The following CD247 variants were observed in gnomAD, a reference collection of about 807,000 sequenced individuals.
CD247 encodes CD247 molecule.
A neutral mutation model predicts 30.0 loss-of-function variants in CD247; 13 were observed. The ratio of observed to expected loss-of-function variants is 0.43; its 90% CI spans 0.28 to 0.69. The LOEUF (loss-of-function observed/expected upper bound fraction) is 0.69. Among genes scored for constraint, CD247 ranks in the 30% least tolerant of loss-of-function variants. The probability of loss-of-function intolerance (pLI) is 0.16; values close to 1 mark genes in which losing one functional copy is unlikely to be tolerated. For missense variants in CD247, 193 were observed against 212.6 expected (o/e 0.91, Z 0.57); for synonymous variants, 72 against 80.0 (o/e 0.90, Z 0.53).
At chr1:167,514,579 G>A (rs974662921) in intron 1 of CD247, among the ~76,000 whole-genome samples, 5 of 151,854 alleles carry the variant, frequency 3.3e-5, no homozygotes, top group African/African-American at 1.2e-4. Context: ...CGATCATTTT[G>A]TTTTGATTAA....
rs1292337136 is a variant in CD247 at position 167,433,038 on chromosome 1, C to T, written c.415G>A (p.Asp139Asn). ...GCAGCTCCTACCTGGTAAAGGCCAT[C>T]GTGCCCCTTGCCCCTCCGGCGCTGG... ...KGERRRGKGH[D>N]GLYQGLSTAT... Residue 139 changes from aspartate to asparagine, a missense_variant, in exon 7 of 8, where the codon GAT becomes AAT. Asp to Asn is a conservative substitution (Grantham distance 23). Coordinates refer to ENST00000362089, the MANE Select transcript of CD247 (RefSeq NM_198053.3). 9 of 1,614,112 alleles carry T rather than the reference C, an allele frequency of 5.6e-6. No individual in the cohort carries two copies. The highest frequency in any genetic ancestry group is 4.4e-5 in the South Asian group (4 of 91,086).
intron 1 of CD247, among the ~76,000 whole-genome samples, chr1:167,447,030 G>C (rs1571523601): frequency 6.6e-6 from 1 of 152,152 alleles, no homozygotes; most frequent in East Asian, 1.9e-4. Flanking sequence ...TGTGTACAAA[G>C]TGCCTGGCAC....
At chr1:167,443,915 A>G (rs924959344) in intron 1 of CD247, among the ~76,000 whole-genome samples, 2 of 152,168 alleles carry the variant, frequency 1.3e-5, no homozygotes, top group Admixed American at 1.3e-4. Context: ...ATGGCCCAGA[A>G]AGCTCCATGC....
At position 167,430,991 on chromosome 1, in the gene CD247, T is replaced by G. The variant is rs879723690; in HGVS notation, c.*690A>C. The G allele has an allele frequency of 6.0e-5, 24 of 402,102 alleles. No individual in the cohort carries two copies. The highest frequency in any genetic ancestry group is 7.9e-5 in the Non-Finnish European group (18 of 228,158). 24.9% of individuals were successfully genotyped at this position (402,102 alleles called of 1,614,324 possible). On this transcript the variant is annotated 3_prime_UTR_variant, in exon 8 of 8. Transcript: ENST00000362089. ...CCACTTTGTGCACAGCTCATCAAGG[T>G]CAGTCTGTTCATCTTCTGGCCCCTG...
chr1:167,438,164 G>T (rs903638620), intron 4 of CD247, among the ~76,000 whole-genome samples: 1 of 152,106 alleles, frequency 6.6e-6, no homozygotes, highest in African/African-American at 2.4e-5. Context: ...AAGCCAAGAG[G>T]TCAAACCCCC....
intron 1 of CD247, among the ~76,000 whole-genome samples, chr1:167,506,538 A>AT (rs1187956951): frequency 4.0e-5 from 6 of 150,576 alleles, no homozygotes; most frequent in Admixed American, 6.6e-5. Flanking sequence ...TCTCTTTTTT[A>AT]TTTTTTTTGT....
At chr1:167,459,346 C>CAA (rs1162119786) in intron 1 of CD247, among the ~76,000 whole-genome samples, 10 of 127,108 alleles carry the variant, frequency 7.9e-5, no homozygotes. Flanking sequence ...TTCCTTACAA[C>CAA]TCTTTTTTTT....
intron 1 of CD247, among the ~76,000 whole-genome samples, chr1:167,508,130 G>C (rs1297028771): frequency 6.6e-6 from 1 of 152,184 alleles, no homozygotes; most frequent in African/African-American, 2.4e-5. Flanking sequence ...GCAAGAGCTT[G>C]TGGCTATAAC....
At chr1:167,454,008 G>C (rs938549571) in intron 1 of CD247, among the ~76,000 whole-genome samples, 2 of 151,984 alleles carry the variant, frequency 1.3e-5, no homozygotes, top group African/African-American at 4.8e-5. Flanking sequence ...ACTTGTGTAT[G>C]AAAAAAACAC....
At chr1:167,485,655 C>T (rs1003661557) in intron 1 of CD247, among the ~76,000 whole-genome samples, 17 of 152,158 alleles carry the variant, frequency 1.1e-4, no homozygotes, top group South Asian at 6.2e-4. Context: ...GAGGGTATCC[C>T]GGCATGGCTT....
intron 1 of CD247, among the ~76,000 whole-genome samples, chr1:167,506,892 ATTTT>A (rs10587631): frequency 7.1e-5 from 7 of 97,968 alleles, no homozygotes; most frequent in Admixed American, 1.3e-4. Context: ...GTTCCCTCTG[ATTTT>A]TTTTTTTTTT....
chr1:167,504,118 T>C (rs1409388280), intron 1 of CD247, among the ~76,000 whole-genome samples: 1 of 152,154 alleles, frequency 6.6e-6, no homozygotes, highest in African/African-American at 2.4e-5. Flanking sequence ...GAGGGCAGGC[T>C]GCCTGGGGCC....
intron 1 of CD247, among the ~76,000 whole-genome samples, chr1:167,479,483 T>C (rs1438034915): frequency 6.6e-6 from 1 of 152,238 alleles, no homozygotes; most frequent in Non-Finnish European, 1.5e-5. Context: ...GATTACATGA[T>C]GTGACATATC....
intron 1 of CD247, among the ~76,000 whole-genome samples, chr1:167,490,994 G>T (rs1654421557): frequency 2.0e-5 from 3 of 151,816 alleles, no homozygotes; most frequent in Admixed American, 2.0e-4. Flanking sequence ...ATCTTTGAAA[G>T]AACTCATATA....
intron 4 of CD247, among the ~76,000 whole-genome samples, chr1:167,436,658 T>C (rs550110302): frequency 9.2e-5 from 14 of 152,284 alleles, no homozygotes; most frequent in Admixed American, 5.9e-4. Context: ...AAAACTTCCA[T>C]AATAAATCAT....
chr1:167,501,634 T>C (rs1654912837), intron 1 of CD247, among the ~76,000 whole-genome samples: 1 of 152,210 alleles, frequency 6.6e-6, no homozygotes, highest in Non-Finnish European at 1.5e-5. Context: ...AAGGAGAACG[T>C]ATTTGCAGCA....
chr1:167,437,098 G>A (rs1206347082), intron 4 of CD247, among the ~76,000 whole-genome samples: 2 of 152,114 alleles, frequency 1.3e-5, no homozygotes, highest in African/African-American at 2.4e-5. Flanking sequence ...ATTCCAGATT[G>A]TAGTCCTATT....
intron 1 of CD247, among the ~76,000 whole-genome samples, chr1:167,505,618 TCAGGGCCTATGGCACAA>T (rs1283374150): frequency 1.3e-5 from 2 of 152,206 alleles, no homozygotes; most frequent in African/African-American, 2.4e-5. Context: ...GGTAGGCAGG[TCAGGGCCTATGGCACAA>T]CAGGGCAAAA....
Position 167,431,755 on chromosome 1 carries a change from A to C in CD247, c.430-9T>G. On this transcript the variant is annotated splice_polypyrimidine_tract_variant and intron_variant, in intron 7 of 7. Transcript: ENST00000362089. ...GTGGCTGTACTGAGACCCTGGCGTGAAAGCAAATCAGAAAACAAAGAGTGG... is the reference window on the plus strand; with the variant it reads ...GTGGCTGTACTGAGACCCTGGCGTGCAAGCAAATCAGAAAACAAAGAGTGG... 1 of 1,613,730 alleles carries C rather than the reference A, an allele frequency of 6.2e-7. No individual in the cohort carries two copies. The highest frequency in any genetic ancestry group is 8.5e-7 in the Non-Finnish European group (1 of 1,179,728).
Sources: gnomAD v4.1 joint callset for allele counts (sites outside exome capture counted in the v4.1 genomes callset) on GRCh38, gnomAD v4.1.1 for gene constraint, MANE v1.5 for transcripts, NCBI Gene and HGNC (gene_info 2026-07-23, HGNC 2026-07-21) for gene names.